The following CPEB1 variants were observed in gnomAD, a reference collection of about 807,000 sequenced individuals.
CPEB1 encodes the protein cytoplasmic polyadenylation element binding protein 1, also known as cytoplasmic polyadenylation element-binding protein 1.
In CPEB1, 7 loss-of-function variants were observed where a neutral mutation model predicts 65.8. The observed-to-expected ratio is 0.11, with a 90% CI of 0.06 to 0.20. The LOEUF (loss-of-function observed/expected upper bound fraction) is 0.20, where lower values mean the gene tolerates loss of function less well. Among genes scored for constraint, CPEB1 ranks in the 10% least tolerant of loss-of-function variants. The pLI, the probability that CPEB1 is intolerant of heterozygous loss-of-function variation, is 1.00. For missense variants in CPEB1, 551 were observed against 712.2 expected (o/e 0.77, Z 2.58); for synonymous variants, 262 against 260.0 (o/e 1.01, Z -0.08).
chr15:82,643,454 A>T (rs779886424), intron 1 of CPEB1, among the ~76,000 whole-genome samples: 2 of 151,834 alleles, frequency 1.3e-5, no homozygotes, highest in Non-Finnish European at 2.9e-5. Flanking sequence ...ATATGGTGAA[A>T]CCCCATCTTA....
intron 3 of CPEB1, among the ~76,000 whole-genome samples, chr15:82,621,746 AGCTCTTC>A (rs1419435103): frequency 6.6e-6 from 1 of 152,120 alleles, no homozygotes; most frequent in Non-Finnish European, 1.5e-5. Context: ...GGAAAGTTGG[AGCTCTTC>A]GCCTATGATA....
intron 3 of CPEB1, among the ~76,000 whole-genome samples, chr15:82,591,952 T>A (rs1311769260): frequency 6.6e-6 from 1 of 151,056 alleles, no homozygotes; most frequent in African/African-American, 2.4e-5. Flanking sequence ...CAAGCCATCC[T>A]CCCACCTCAC....
intron 1 of CPEB1, among the ~76,000 whole-genome samples, chr15:82,642,953 T>C (rs1417914008): frequency 6.6e-6 from 1 of 152,196 alleles, no homozygotes; most frequent in Non-Finnish European, 1.5e-5. Context: ...ACTCTAATTT[T>C]CCCTTAAAAT....
rs924430276 is a variant in CPEB1 at position 82,578,598 on chromosome 15, A to T, written c.272-7066T>A. On this transcript the variant is annotated intron_variant, in intron 3 of 12. Transcript: ENST00000684509. ...TGGCGAAACCCCATCTCAACTAAAAAATACAAAAATTAGCCGGGTGTGGTG... is the reference window on the plus strand; with the variant it reads ...TGGCGAAACCCCATCTCAACTAAAATATACAAAAATTAGCCGGGTGTGGTG... 3.9e-5 allele frequency among the ~76,000 whole-genome samples: 6 copies of T among 152,086 alleles called. 1 individual carries two copies. In the South Asian group the frequency reaches 1.2e-3, roughly 32 times the overall value.
chr15:82,563,723 G>A (rs1254880339), intron 4 of CPEB1, among the ~76,000 whole-genome samples: 3 of 151,988 alleles, frequency 2.0e-5, no homozygotes, highest in African/African-American at 7.3e-5. Context: ...TAAAGCAAAT[G>A]GGGTAAAATG....
At chr15:82,563,752 T>C in intron 4 of CPEB1, among the ~76,000 whole-genome samples, 1 of 151,976 alleles carries the variant, frequency 6.6e-6, no homozygotes, top group East Asian at 1.9e-4. Context: ...CAATAGGAGG[T>C]TCTGGATAAA....
intron 10 of CPEB1, among the ~76,000 whole-genome samples, chr15:82,547,664 G>A (rs755286209): frequency 2.7e-5 from 4 of 148,614 alleles, no homozygotes; most frequent in Non-Finnish European, 6.1e-5. Flanking sequence ...TATAATGTGA[G>A]CTACTATGTA....
chr15:82,598,355 A>G (rs1053533160), intron 3 of CPEB1, among the ~76,000 whole-genome samples: 1 of 151,940 alleles, frequency 6.6e-6, no homozygotes, highest in African/African-American at 2.4e-5. Context: ...TTACCCGGGC[A>G]TGGTGGCGCA....
intron 1 of CPEB1, among the ~76,000 whole-genome samples, chr15:82,631,153 C>T (rs957129884): frequency 1.3e-5 from 2 of 151,980 alleles, no homozygotes; most frequent in African/African-American, 4.8e-5. Context: ...GGAAGGAAAT[C>T]TTACTATTTC....
chr15:82,559,431 A>G (rs1235379020), intron 4 of CPEB1, among the ~76,000 whole-genome samples: 1 of 152,216 alleles, frequency 6.6e-6, no homozygotes, highest in Non-Finnish European at 1.5e-5. Context: ...TTTAATTTTT[A>G]AAGAGACTGT....
At chr15:82,563,612 G>A (rs1288342638) in intron 4 of CPEB1, among the ~76,000 whole-genome samples, 1 of 151,006 alleles carries the variant, frequency 6.6e-6, no homozygotes, top group African/African-American at 2.4e-5. Flanking sequence ...AAAGTACTCA[G>A]GTCACAGGTG....
intron 4 of CPEB1, chr15:82,562,491 T>C (rs2038395408): frequency 5.4e-6 from 1 of 186,050 alleles, no homozygotes; most frequent in Admixed American, 6.0e-5. Flanking sequence ...TCCTAATCAA[T>C]TGCCTTATCA....
intron 3 of CPEB1, among the ~76,000 whole-genome samples, chr15:82,619,700 T>G (rs76429714): frequency 0.012 from 1,807 of 151,946 alleles, 36 homozygotes; most frequent in African/African-American, 0.038. Context: ...ACTTCATCAG[T>G]CACTAAGGAC....
At chr15:82,565,759 G>T (rs2039015241) in intron 4 of CPEB1, among the ~76,000 whole-genome samples, 1 of 152,220 alleles carries the variant, frequency 6.6e-6, no homozygotes. Flanking sequence ...CTGGCCTCCA[G>T]AACACAAGGG....
At chr15:82,573,710 G>A (rs570314867) in intron 3 of CPEB1, among the ~76,000 whole-genome samples, 8 of 152,108 alleles carry the variant, frequency 5.3e-5, no homozygotes, top group African/African-American at 1.2e-4. Context: ...CCAGCAATAT[G>A]AGCATCACCA....
At chr15:82,557,245 C>T (rs766066230) in intron 5 of CPEB1, among the ~76,000 whole-genome samples, 4 of 152,182 alleles carry the variant, frequency 2.6e-5, no homozygotes, top group Non-Finnish European at 4.4e-5. Context: ...TTCATAGATT[C>T]ATCATGGCAT....
intron 3 of CPEB1, among the ~76,000 whole-genome samples, chr15:82,605,993 G>A (rs188387234): frequency 7.2e-5 from 11 of 152,164 alleles, no homozygotes; most frequent in East Asian, 3.9e-4. Flanking sequence ...AGGCGAGATC[G>A]CGCCATTGTA....
chr15:82,554,246 G>A (rs1477843056), intron 6 of CPEB1, among the ~76,000 whole-genome samples: 1 of 152,084 alleles, frequency 6.6e-6, no homozygotes, highest in Non-Finnish European at 1.5e-5. Flanking sequence ...GATGTGTAGG[G>A]TAAAAATTTA....
chr15:82,560,613 G>C, intron 4 of CPEB1, among the ~76,000 whole-genome samples: 1 of 152,002 alleles, frequency 6.6e-6, no homozygotes, highest in East Asian at 1.9e-4. Flanking sequence ...GGCTGGTCTC[G>C]AACTCCTGAG....
Sources: allele counts gnomAD v4.1 joint callset (sites outside exome capture counted in the v4.1 genomes callset), GRCh38; gene constraint gnomAD v4.1.1; transcripts MANE v1.5; gene names NCBI Gene and HGNC (gene_info 2026-07-23, HGNC 2026-07-21).